The following FSD1 variants were observed in gnomAD, a reference collection of about 807,000 sequenced individuals.
FSD1 encodes fibronectin type III and SPRY domain-containing protein 1.
Under a neutral mutation model 58.2 loss-of-function variants are expected in FSD1, and 23 were observed. That is an observed-to-expected ratio of 0.40 (90% CI 0.28 to 0.56). FSD1 has a LOEUF of 0.56. Ranked by LOEUF, FSD1 falls within the 20% of genes least tolerant of loss-of-function variation. FSD1 has a pLI of 0.54. For missense variants in FSD1, 563 were observed against 670.8 expected (o/e 0.84, Z 1.78); for synonymous variants, 265 against 263.4 (o/e 1.01, Z -0.06).
Position 4,317,215 on chromosome 19 carries a change from G to C in FSD1, c.734G>C (p.Arg245Pro). The C allele has an allele frequency of 1.2e-6, 2 of 1,612,612 alleles. No individual in the cohort carries two copies. The highest frequency in any genetic ancestry group is 1.7e-6 in the Non-Finnish European group (2 of 1,178,748). Reference protein sequence around the residue: ...LKFDMKYMNFRVKACNKAVAG... With the variant: ...LKFDMKYMNFPVKACNKAVAG... Reference sequence around the variant, plus strand: ...TTTGACATGAAATACATGAACTTCCGTGTGAAGGCCTGTAACAAGGCAGTT... The same window carrying C: ...TTTGACATGAAATACATGAACTTCCCTGTGAAGGCCTGTAACAAGGCAGTT... Residue 245 changes from arginine (R) to proline (P), a missense_variant, in exon 8 of 13, where the codon CGT becomes CCT. Physicochemically the swap from Arg to Pro is moderately radical, Grantham distance 103. Transcript: ENST00000221856.
intron 6 of FSD1, chr19:4,311,540 G>C (rs189854956): frequency 3.3e-6 from 1 of 301,484 alleles, no homozygotes; most frequent in African/African-American, 2.2e-5. Context: ...AAAATTAGCC[G>C]GGCCATGGTG....
chr19:4,323,505 C>T lies in FSD1; in HGVS notation c.1381-28C>T. 3.3e-6 allele frequency: 3 copies of T among 907,470 alleles called. No individual in the cohort carries two copies. Among genetic ancestry groups the T allele is most frequent in the Non-Finnish European group, 5.6e-6 (3 of 538,624 alleles). 56.2% of individuals were successfully genotyped at this position (907,470 alleles called of 1,614,324 possible). A position where few individuals can be genotyped will look rare whatever the true frequency, so the allele number is the denominator to read the frequency against. On this transcript the variant is annotated intron_variant, in intron 12 of 12. Transcript: ENST00000221856. This position sits in a 1 kb window ranked among gnomAD's most constrained non-coding sequence, Gnocchi z 7.7. ...GGGCGCTGGGGTTTGAAGCTGAGCC[C>T]CTCCCCCCTCCCCCCGCTGTCCCTC...
In FSD1 at chr19:4,312,070, A is replaced by G. The variant is rs754058236; in HGVS notation, c.700+19A>G. On this transcript the variant is annotated intron_variant, in intron 7 of 12. Transcript: ENST00000221856. The stretch of plus-strand genomic sequence containing the variant: ...CTGACAGGTAAGGGCAGTGTGTGCC[A>G]GCTCCGCCCAGCTGTGAACAGCCAC... The G allele has an allele frequency of 2.5e-6, 4 of 1,575,604 alleles. No individual in the cohort carries two copies. In the Admixed American group the frequency reaches 5.1e-5, roughly 20 times the overall value.
intron 10 of FSD1, among the ~76,000 whole-genome samples, chr19:4,321,999 T>G (rs1233553618): frequency 1.5e-5 from 2 of 137,464 alleles, no homozygotes; most frequent in African/African-American, 5.6e-5. Context: ...CTGGGAGGAA[T>G]AACTTGGACC....
intron 7 of FSD1, among the ~76,000 whole-genome samples, chr19:4,315,635 C>G: frequency 1.2e-5 from 1 of 82,824 alleles, no homozygotes; most frequent in East Asian, 3.8e-4. Context: ...TTTTGAGTTG[C>G]AGTCTCGCTC....
chr19:4,307,712 C>T (rs1237027913), intron 3 of FSD1, among the ~76,000 whole-genome samples, 170 bp from the exon 4 acceptor site: 1 of 152,220 alleles, frequency 6.6e-6, no homozygotes, highest in African/African-American at 2.4e-5. Context: ...TTCTGTTCTG[C>T]TCCCCGAGCC....
intron 7 of FSD1, among the ~76,000 whole-genome samples, chr19:4,313,852 C>G (rs987094504): frequency 1.1e-4 from 16 of 151,880 alleles, no homozygotes; most frequent in Non-Finnish European, 1.9e-4. Context: ...ATGGTAAAAC[C>G]CTGTCTCTAC....
rs766570708 is a variant in FSD1, at chr19:4,310,308, G to T, written c.368+13G>T. The T allele has an allele frequency of 2.5e-6, 4 of 1,613,960 alleles. No individual in the cohort carries two copies. The South Asian group carries it at 4.4e-5, about 18-fold the overall frequency. On this transcript the variant is annotated intron_variant, in intron 5 of 12. Transcript: ENST00000221856. Reference sequence around the variant, plus strand: ...AAATCAAAGATGGGTAAGACACTGGGGTCTGGCCCCCACCCCACTACCCTG... The same window carrying T: ...AAATCAAAGATGGGTAAGACACTGGTGTCTGGCCCCCACCCCACTACCCTG...
intron 8 of FSD1, among the ~76,000 whole-genome samples, chr19:4,317,638 T>C (rs888753234): frequency 6.6e-6 from 1 of 152,186 alleles, no homozygotes; most frequent in Admixed American, 6.5e-5. Context: ...CCCTCTGAAA[T>C]CTAGCCTAAC....
intron 7 of FSD1, among the ~76,000 whole-genome samples, chr19:4,313,513 A>G (rs968837895): frequency 7.9e-5 from 12 of 151,372 alleles, no homozygotes; most frequent in Admixed American, 7.9e-4. Flanking sequence ...AAGTCACGAG[A>G]TTGAGACCAG....
chr19:4,321,709 A>G (rs1053775042), intron 10 of FSD1, among the ~76,000 whole-genome samples: 1 of 149,566 alleles, frequency 6.7e-6, no homozygotes, highest in African/African-American at 2.5e-5. Context: ...TTTGGAGGGA[A>G]TAACTGGAGT....
At chr19:4,314,040 G>GA (rs375340698) in intron 7 of FSD1, among the ~76,000 whole-genome samples, 1,568 of 149,410 alleles carry the variant, frequency 0.01, 25 homozygotes, top group African/African-American at 0.035. Flanking sequence ...AAAAAAAAAA[G>GA]AAAAAAAAAG....
At position 4,323,499 on chromosome 19, in the gene FSD1, T is replaced by TGTGGG; in HGVS notation, c.1381-33_1381-32insTGGGG. 1.3e-6 allele frequency: 2 copies of TGTGGG among 1,577,822 alleles called. No individual in the cohort carries two copies. Among genetic ancestry groups the TGTGGG allele is most frequent in the Non-Finnish European group, 1.7e-6 (2 of 1,148,726 alleles). On this transcript the variant is annotated intron_variant, in intron 12 of 12. Transcript: ENST00000221856. The surrounding 1 kb of genome is among the most constrained non-coding windows in gnomAD (Gnocchi z 7.7). The stretch of plus-strand genomic sequence containing the variant: ...GGTGCTGGGCGCTGGGGTTTGAAGC[T>TGTGGG]GAGCCCCTCCCCCCTCCCCCCGCTG...
At chr19:4,316,245 A>G (rs1015543108) in intron 7 of FSD1, among the ~76,000 whole-genome samples, 1 of 151,846 alleles carries the variant, frequency 6.6e-6, no homozygotes, top group African/African-American at 2.4e-5. Flanking sequence ...GGAGGGGGTC[A>G]GAGTTTCGCT....
chr19:4,306,059 G>A lies in FSD1; in HGVS notation c.111+18G>A. On this transcript the variant is annotated intron_variant, in intron 2 of 12. Transcript: ENST00000221856. ...ACGTGGAGGTGAAGGCGGTGGGGCA[G>A]TCCTGGGGAGGTAAGGGGAGGGGAG... 6.2e-7 allele frequency: 1 copy of A among 1,610,500 alleles called. No homozygotes were observed. The highest frequency in any genetic ancestry group is 8.5e-7 in the Non-Finnish European group (1 of 1,176,716).
chr19:4,315,950 GAGACAGAGTT>G (rs1289599832), intron 7 of FSD1, among the ~76,000 whole-genome samples: 2 of 151,382 alleles, frequency 1.3e-5, no homozygotes, highest in Non-Finnish European at 2.9e-5. Context: ...TTTTTTAGTA[GAGACAGAGTT>G]TCACCATGCT....
At chr19:4,318,736 A>G in intron 9 of FSD1, 136 bp from the exon 10 acceptor site, 1 of 786,734 alleles carries the variant, frequency 1.3e-6, no homozygotes. Flanking sequence ...GGTGCTCGAT[A>G]TATAGATAGA....
At chr19:4,318,558 C>G in intron 9 of FSD1, 53 bp downstream of exon 9, 1 of 1,468,412 alleles carries the variant, frequency 6.8e-7, no homozygotes, top group Non-Finnish European at 9.2e-7. Flanking sequence ...TCAGTCTGGA[C>G]ATGGACACAG....
At chr19:4,311,666 A>T in intron 6 of FSD1, 176 bp from the exon 7 acceptor site, 1 of 587,200 alleles carries the variant, frequency 1.7e-6, no homozygotes, top group African/African-American at 1.9e-5. Flanking sequence ...CCTGGGTGAC[A>T]AGAGCAAGAC....
Sources: gnomAD v4.1 joint callset for allele counts (sites outside exome capture counted in the v4.1 genomes callset) on GRCh38, gnomAD v4.1.1 for gene constraint, Gnocchi (gnomAD v3.1) non-coding constraint, MANE v1.5 for transcripts, NCBI Gene and HGNC (gene_info 2026-07-23, HGNC 2026-07-21) for gene names.